The following DDAH1 variants were observed in gnomAD, a reference collection of about 807,000 sequenced individuals.
DDAH1 encodes the protein N(G),N(G)-dimethylarginine dimethylaminohydrolase 1.
A neutral mutation model predicts 28.8 loss-of-function variants in DDAH1; 19 were observed. The ratio of observed to expected loss-of-function variants is 0.66; its 90% CI spans 0.46 to 0.97. DDAH1 has a LOEUF of 0.97. Ranked by LOEUF, DDAH1 falls within the 50% of genes least tolerant of loss-of-function variation. The pLI is 0.00. For missense variants in DDAH1, 326 were observed against 375.9 expected (o/e 0.87, Z 1.10); for synonymous variants, 153 against 154.4 (o/e 0.99, Z 0.07).
At chr1:85,363,906 CTTT>C (rs71819142) in intron 1 of DDAH1, among the ~76,000 whole-genome samples, 4 of 130,610 alleles carry the variant, frequency 3.1e-5, no homozygotes, top group Non-Finnish European at 4.8e-5. Flanking sequence ...TGGATGTCAA[CTTT>C]TTTTTTTTTT....
intron 1 of DDAH1, among the ~76,000 whole-genome samples, chr1:85,385,646 C>A (rs1272829580): frequency 6.6e-6 from 1 of 152,128 alleles, no homozygotes; most frequent in Non-Finnish European, 1.5e-5. Flanking sequence ...GATATTGGAA[C>A]AAATGAGGCC....
At chr1:85,388,430 G>C (rs1307875111) in intron 1 of DDAH1, among the ~76,000 whole-genome samples, 3 of 152,036 alleles carry the variant, frequency 2.0e-5, no homozygotes, top group African/African-American at 7.2e-5. Flanking sequence ...TGAGATTACA[G>C]AAATAATGTG....
At chr1:85,336,985 G>T (rs994866809) in intron 4 of DDAH1, among the ~76,000 whole-genome samples, 1 of 152,084 alleles carries the variant, frequency 6.6e-6, no homozygotes, top group Non-Finnish European at 1.5e-5. Context: ...AAATCAAAAA[G>T]ATATTACACC....
chr1:85,546,803 T>C (rs2100790840), intron 1 of DDAH1, among the ~76,000 whole-genome samples: 1 of 152,146 alleles, frequency 6.6e-6, no homozygotes, highest in South Asian at 2.1e-4. Context: ...CTAAAAAAAC[T>C]ACTGAAGGAT....
intron 1 of DDAH1, among the ~76,000 whole-genome samples, chr1:85,506,427 G>C (rs1443464727): frequency 5.3e-5 from 8 of 152,096 alleles, no homozygotes; most frequent in Non-Finnish European, 1.2e-4. Flanking sequence ...GGCAGTATTA[G>C]TATACAAATC....
intron 1 of DDAH1, among the ~76,000 whole-genome samples, chr1:85,519,049 A>AT (rs149570335): frequency 0.12 from 17,463 of 142,624 alleles, 1,299 homozygotes; most frequent in South Asian, 0.18. Flanking sequence ...TAGTATAACC[A>AT]TTTTTCTATA....
upstream of DDAH1, among the ~76,000 whole-genome samples, chr1:85,469,665 G>T (rs989460146): frequency 6.6e-6 from 1 of 152,126 alleles, no homozygotes; most frequent in Admixed American, 6.5e-5. Flanking sequence ...CTGCTTGAAG[G>T]TATGCTTTCC....
In DDAH1 at chr1:85,382,031, A is replaced by C. The variant is rs115309088; in HGVS notation, c.304-23184T>G. ...CCATGGCCTCCAAGTGTTCAAGTGAAAGGAGGAATTGTACATTTCTCACTT... is the reference window on the plus strand; with the variant it reads ...CCATGGCCTCCAAGTGTTCAAGTGACAGGAGGAATTGTACATTTCTCACTT... On this transcript the variant is annotated intron_variant, in intron 1 of 5. Coordinates refer to ENST00000284031, the MANE Select transcript of DDAH1 (RefSeq NM_012137.4). Among the ~76,000 whole-genome samples the C allele has an allele frequency of 2.3e-3, 355 of 152,290 alleles. 1 individual carries two copies. Among genetic ancestry groups the C allele is most frequent in the African/African-American group, 7.9e-3 (327 of 41,558 alleles).
intron 1 of DDAH1, among the ~76,000 whole-genome samples, chr1:85,568,868 C>T (rs1434239544): frequency 2.0e-5 from 3 of 152,164 alleles, no homozygotes; most frequent in African/African-American, 7.2e-5. Flanking sequence ...GGGCAGTGTT[C>T]AGGCAGGGCT....
chr1:85,547,889 A>G (rs1658674612), intron 1 of DDAH1, among the ~76,000 whole-genome samples: 1 of 152,232 alleles, frequency 6.6e-6, no homozygotes, highest in Admixed American at 6.5e-5. Context: ...GAATAACAGA[A>G]CAAAGAAAGC....
intron 1 of DDAH1, among the ~76,000 whole-genome samples, chr1:85,431,576 C>T (rs1399808219): frequency 1.3e-5 from 2 of 151,856 alleles, no homozygotes; most frequent in African/African-American, 2.4e-5. Flanking sequence ...CCTCTACCCC[C>T]TCCTCTCTCC....
chr1:85,494,103 A>G (rs1184665119), intron 2 of DDAH1: 1 of 152,222 alleles, frequency 6.6e-6, no homozygotes. Context: ...AACAATGTCC[A>G]GAATATGAGG....
At chr1:85,434,548 T>C (rs1057313895) in intron 1 of DDAH1, among the ~76,000 whole-genome samples, 1 of 151,998 alleles carries the variant, frequency 6.6e-6, no homozygotes, top group African/African-American at 2.4e-5. Context: ...TGTGCCACCA[T>C]GCCCAGCTAA....
At chr1:85,528,187 T>C (rs1309883069) in intron 1 of DDAH1, among the ~76,000 whole-genome samples, 10 of 151,062 alleles carry the variant, frequency 6.6e-5, no homozygotes, top group Non-Finnish European at 8.9e-5. Context: ...TATGTGTGAA[T>C]ATATATGTGT....
At chr1:85,498,949 C>G (rs1487429025) in intron 1 of DDAH1, among the ~76,000 whole-genome samples, 1 of 151,638 alleles carries the variant, frequency 6.6e-6, no homozygotes, top group Non-Finnish European at 1.5e-5. Context: ...AAAAAAAATT[C>G]TCAACAAATT....
intron 4 of DDAH1, among the ~76,000 whole-genome samples, chr1:85,327,061 T>A (rs530497852): frequency 2.8e-4 from 42 of 152,370 alleles, no homozygotes; most frequent in African/African-American, 9.1e-4. Context: ...TCTTTTTGGC[T>A]GCTTCCAAAA....
In DDAH1 at chr1:85,464,428, C is replaced by T. The variant is rs1185227125; in HGVS notation, c.303+315G>A. 2.9e-6 allele frequency: 4 copies of T among 1,398,842 alleles called. No individual in the cohort carries two copies. The highest frequency in any genetic ancestry group is 3.8e-6 in the Non-Finnish European group (4 of 1,047,918). The allele number at this position is 1,398,842 out of a possible 1,614,324, so 86.7% of individuals were successfully genotyped here. A position where few individuals can be genotyped will look rare whatever the true frequency, so the allele number is the denominator to read the frequency against. ...TCCCTGGGAAACACTCAGAGTTGCA[C>T]TGTCGTCGCTGCCGTTTAATTTTCA... On this transcript the variant is annotated intron_variant, in intron 1 of 5. Transcript: ENST00000284031. The surrounding 1 kb of genome is among the most constrained non-coding windows in gnomAD (Gnocchi z 4.4).
chr1:85,363,122 T>C (rs1458371901), intron 1 of DDAH1, among the ~76,000 whole-genome samples: 1 of 152,230 alleles, frequency 6.6e-6, no homozygotes, highest in African/African-American at 2.4e-5. Context: ...AATTGACTTT[T>C]GCTGTTTATT....
chr1:85,361,349 C>T (rs1269240927), intron 1 of DDAH1, among the ~76,000 whole-genome samples: 1 of 152,134 alleles, frequency 6.6e-6, no homozygotes, highest in Non-Finnish European at 1.5e-5. Context: ...GTTACATGGC[C>T]ATGGTTAATG....
Sources: allele counts gnomAD v4.1 joint callset (sites outside exome capture counted in the v4.1 genomes callset), GRCh38; gene constraint gnomAD v4.1.1; non-coding constraint Gnocchi (gnomAD v3.1); transcripts MANE v1.5; gene names NCBI Gene and HGNC (gene_info 2026-07-23, HGNC 2026-07-21).